Variants in LALBA observed in about 807,000 individuals in gnomAD.
The protein encoded by LALBA is lactalbumin alpha.
Under a neutral mutation model 13.4 loss-of-function variants are expected in LALBA, and 12 were observed. The ratio of observed to expected loss-of-function variants is 0.89; its 90% confidence interval spans 0.57 to 1.45. The LOEUF is 1.45. Ranked by LOEUF, LALBA falls within the 40% of genes most tolerant of loss-of-function variation. LALBA has a pLI of 0.00. For synonymous variants in LALBA, 64 were observed against 61.0 expected (o/e 1.05, Z -0.23); for missense variants, 145 against 165.9 (o/e 0.87, Z 0.69).
At chr12:48,570,932 A>C (rs890228392), upstream of LALBA, among the ~76,000 whole-genome samples, 1 of 143,916 alleles carries the variant, frequency 6.9e-6, no homozygotes, top group African/African-American at 2.6e-5. Flanking sequence ...AGCCATGTTC[A>C]CTCCACTGCA....
At chr12:48,569,451 C>T (rs1368116014) in intron 1 of LALBA, among the ~76,000 whole-genome samples, 8 of 152,124 alleles carry the variant, frequency 5.3e-5, no homozygotes, top group African/African-American at 1.9e-4. Context: ...TGATGGCTCA[C>T]GCTTGTAATC....
At chr12:48,569,344 A>G (rs1938604543) in intron 1 of LALBA, 104 bp from the exon 2 acceptor site, 2 of 960,512 alleles carry the variant, frequency 2.1e-6, no homozygotes, top group Non-Finnish European at 3.1e-6. Flanking sequence ...ATCTCCAAAG[A>G]TGGCAAAGCT....
At chr12:48,569,690 GC>G (rs1295163134) in intron 1 of LALBA, among the ~76,000 whole-genome samples, 197 bp downstream of exon 1, 1 of 152,148 alleles carries the variant, frequency 6.6e-6, no homozygotes, top group Middle Eastern at 3.2e-3. Context: ...TCCAGTCTGG[GC>G]AACAAGAGCG....
rs766827326 is a variant in LALBA, at chr12:48,569,108, C to T, written c.266G>A (p.Arg89Lys). 28 of 1,612,876 alleles carry T rather than the reference C, an allele frequency of 1.7e-5. No homozygotes were observed. Among genetic ancestry groups the T allele is most frequent in the Non-Finnish European group, 5.9e-6 (7 of 1,179,760 alleles). Residue 89 changes from arginine (R) to lysine (K), a missense_variant, in exon 2 of 4, where the codon AGG becomes AAG. Arg to Lys is a conservative substitution (Grantham distance 26, BLOSUM62 2). Transcript: ENST00000301046. ...GTCACAGGAGATGTCACAGATGTTC[C>T]TTGACTGAGGGACCTGGCTGCTCTT... ...WCKSSQVPQS[R>K]NICDISCDKF... is the part of the protein sequence containing the mutation.
intron 2 of LALBA, 133 bp downstream of exon 2, chr12:48,568,949 A>G: frequency 1.3e-6 from 1 of 763,622 alleles, no homozygotes; most frequent in Non-Finnish European, 2.1e-6. Context: ...CAGTACTGCC[A>G]ATTCAAGTCC....
chr12:48,571,010 G>C (rs1197586646), upstream of LALBA, among the ~76,000 whole-genome samples: 8 of 145,322 alleles, frequency 5.5e-5, no homozygotes, highest in Admixed American at 5.6e-4. Context: ...AAAGAATCTA[G>C]CTATCCTACG....
In LALBA at chr12:48,569,958, T is replaced by C. The variant is rs148000749; in HGVS notation, c.63A>G (p.Gln21=). ...GCTGGGACAGCTCACATTTTGTGAA[T>C]TGCTTGGCCAGGATGGCAGGGAACA... The part of the protein sequence containing the change: ...GILFPAILAK[Q]FTKCELSQLL... Residue 21 remains glutamine (Q), a synonymous_variant, in exon 1 of 4, where the codon CAA becomes CAG. Coordinates refer to ENST00000301046, the MANE Select transcript of LALBA (RefSeq NM_002289.3). 102 of 1,613,930 alleles carry C rather than the reference T, an allele frequency of 6.3e-5. No homozygotes were observed. Among genetic ancestry groups the C allele is most frequent in the African/African-American group, 5.1e-4 (38 of 74,978 alleles).
Position 48,569,074 on chromosome 12 carries a change from C to T in LALBA, c.292+8G>A. 1 of 1,605,550 alleles carries T rather than the reference C, an allele frequency of 6.2e-7. No homozygotes were observed. The highest frequency in any genetic ancestry group is 1.3e-5 in the African/African-American group (1 of 74,470). The stretch of plus-strand genomic sequence containing the variant: ...AAACAGAGAAAGAGGGTTATAGGGG[C>T]TACTCACTGTCACAGGAGATGTCAC... On this transcript the variant is annotated splice_region_variant and intron_variant, in intron 2 of 3. Transcript: ENST00000301046.
At chr12:48,568,916 A>G (rs539997081) in intron 2 of LALBA, among the ~76,000 whole-genome samples, 166 bp downstream of exon 2, 219 of 152,340 alleles carry the variant, frequency 1.4e-3, no homozygotes, top group South Asian at 3.3e-3. Context: ...GATGACCATG[A>G]AAAATCCAAA....
chr12:48,568,046 G>C (rs1448544951), intron 3 of LALBA, 29 bp from the exon 4 acceptor site: 1 of 1,540,874 alleles, frequency 6.5e-7, no homozygotes, highest in Non-Finnish European at 8.9e-7. Context: ...GACAAGGTGA[G>C]TTAGCTGACT....
intron 3 of LALBA, 79 bp downstream of exon 3, chr12:48,568,433 AGATAG>A: frequency 1.2e-6 from 1 of 801,002 alleles, no homozygotes; most frequent in Non-Finnish European, 2.2e-6. Flanking sequence ...AATGACCAAG[AGATAG>A]GGTAAGAGGA....
At chr12:48,568,630 C>A in intron 2 of LALBA, 38 bp from the exon 3 acceptor site, 1 of 1,278,496 alleles carries the variant, frequency 7.8e-7, no homozygotes, top group South Asian at 1.2e-5. Flanking sequence ...AGACAGCTGA[C>A]AAGTATTACC....
chr12:48,569,999 A>G lies in LALBA; in HGVS notation c.22T>C (p.Phe8Leu), dbSNP rs746141623. The part of the protein sequence containing the change: MRFFVPL[F>L]LVGILFPAIL... Reference sequence around the variant, plus strand: ...GCAGGGAACAGGATGCCCACCAGGAACAGAGGGACAAAGAACCTCATTTTG... The same window carrying G: ...GCAGGGAACAGGATGCCCACCAGGAGCAGAGGGACAAAGAACCTCATTTTG... The change falls in exon 1 of 4, where the codon TTC (phenylalanine) becomes CTC (leucine). Residue 8 changes from phenylalanine (F) to leucine (L), a missense_variant. Phe to Leu is a conservative substitution (Grantham distance 22, BLOSUM62 0). Transcript: ENST00000301046. 5 of 1,614,128 alleles carry G rather than the reference A, an allele frequency of 3.1e-6. 1 individual carries two copies. The South Asian group carries it at 3.3e-5, about 11-fold the overall frequency.
Position 48,567,983 on chromosome 12 carries a change from C to A in LALBA, c.403G>T (p.Glu135Ter). ...AHKALCTEKLEQWLCEKL is the reference protein window; with the variant it reads ...AHKALCTEKL ...CACAACTTCTCACAAAGCCACTGTT[C>A]CAGCTTCTCAGTGCAGAGGGCTTTA... The change falls in exon 4 of 4, where the codon GAA becomes TAA. Residue 135 changes from glutamate to a stop codon, truncating the protein, a stop_gained. Transcript: ENST00000301046. LOFTEE classifies it high-confidence loss of function. The A allele has an allele frequency of 6.2e-7, 1 of 1,605,548 alleles. No homozygotes were observed. Among genetic ancestry groups the A allele is most frequent in the South Asian group, 1.1e-5 (1 of 88,628 alleles).
Position 48,569,152 on chromosome 12 carries a change from G to C in LALBA, c.222C>G (p.Ile74Met). 6.2e-7 allele frequency: 1 copy of C among 1,613,544 alleles called. No individual in the cohort carries two copies. The highest frequency in any genetic ancestry group is 8.5e-7 in the Non-Finnish European group (1 of 1,179,690). ...TGCTCTTGCACCAAAGCTTATTACTGATCTGGAAGAGTCCATATTCCGTGC... is the reference window on the plus strand; with the variant it reads ...TGCTCTTGCACCAAAGCTTATTACTCATCTGGAAGAGTCCATATTCCGTGC... ...NESTEYGLFQ[I>M]SNKLWCKSSQ... The change falls in exon 2 of 4, where the codon ATC becomes ATG. Residue 74 changes from isoleucine to methionine, a missense_variant. By Grantham distance (10) the Ile-to-Met change is conservative. Coordinates refer to ENST00000301046, the MANE Select transcript of LALBA (RefSeq NM_002289.3).
chr12:48,571,624 A>G (rs1938635278), upstream of LALBA, among the ~76,000 whole-genome samples: 3 of 151,892 alleles, frequency 2.0e-5, no homozygotes, highest in South Asian at 6.2e-4. Context: ...AGCTCAGGCA[A>G]TTTGCCTGCC....
intron 3 of LALBA, 24 bp downstream of exon 3, chr12:48,568,493 A>G (rs1396423044): frequency 1.5e-6 from 2 of 1,360,524 alleles, no homozygotes; most frequent in Non-Finnish European, 1.1e-6. Context: ...GGATGGGGAA[A>G]TAGAAAATAG....
chr12:48,571,281 C>T (rs1275512311), upstream of LALBA, among the ~76,000 whole-genome samples: 1 of 151,866 alleles, frequency 6.6e-6, no homozygotes, highest in Admixed American at 6.6e-5. Flanking sequence ...CTTTAATTTG[C>T]TGGCATGAAG....
chr12:48,568,907 A>G (rs1407066546), intron 2 of LALBA, among the ~76,000 whole-genome samples, 175 bp downstream of exon 2: 2 of 152,202 alleles, frequency 1.3e-5, no homozygotes, highest in Non-Finnish European at 2.9e-5. Context: ...TGGGGATTTG[A>G]TGACCATGAA....
Sources: allele counts gnomAD v4.1 joint callset (sites outside exome capture counted in the v4.1 genomes callset), GRCh38; gene constraint gnomAD v4.1.1; transcripts MANE v1.5; gene names NCBI Gene and HGNC (gene_info 2026-07-23, HGNC 2026-07-21).